Variants in ASPM observed in about 807,000 individuals in gnomAD.
The protein encoded by ASPM is assembly factor for spindle microtubules, also known as abnormal spindle-like microcephaly-associated protein.
In ASPM, 256 loss-of-function variants were observed where a neutral mutation model predicts 366.4. The ratio of observed to expected loss-of-function variants is 0.70; its 90% CI spans 0.63 to 0.77. The LOEUF (loss-of-function observed/expected upper bound fraction) is 0.77, where lower values mean the gene tolerates loss of function less well. ASPM is among the 30% of genes least tolerant of loss of function. ASPM has a pLI of 0.00. For synonymous variants in ASPM, 1,414 were observed against 1,342.9 expected, an observed-to-expected ratio of 1.05 and a Z score of -1.16; for missense variants, 4,146 against 4,090.4, an observed-to-expected ratio of 1.01 and a Z score of -0.37.
In ASPM at chr1:197,142,659, T is replaced by C; in HGVS notation, c.1593A>G (p.Val531=). ...LNSAVGEHEK[V]INNQKEKEDF... The stretch of plus-strand genomic sequence containing the variant: ...CTTCTTTTTCCTTTTGATTATTTAT[T>C]ACTTTTTCATGTTCACCCACTGCAC... Residue 531 remains valine, a synonymous_variant, in exon 3 of 28, where the codon GTA becomes GTG. Coordinates refer to ENST00000367409, the MANE Select transcript of ASPM (RefSeq NM_018136.5). The C allele has an allele frequency of 6.2e-7, 1 of 1,612,648 alleles. No individual in the cohort carries two copies.
intron 17 of ASPM, among the ~76,000 whole-genome samples, chr1:197,109,665 G>A (rs952370644): frequency 1.3e-5 from 2 of 151,930 alleles, no homozygotes; most frequent in African/African-American, 4.8e-5. Context: ...TGGAAAGAAA[G>A]GCAGACAACA....
chr1:197,095,993 A>G lies in ASPM; in HGVS notation c.8987+5T>C, dbSNP rs747636702. ...TACACTCTCCACAGAACTATGATAC[A>G]TTACCGTGTTCTCTCTAGTTTGGTA... On this transcript the variant is annotated splice_donor_5th_base_variant and intron_variant, in intron 19 of 27. Transcript: ENST00000367409. The G allele has an allele frequency of 3.7e-6, 6 of 1,602,820 alleles. No homozygotes were observed. The highest frequency in any genetic ancestry group is 1.1e-5 in the South Asian group (1 of 90,722).
In ASPM at chr1:197,133,656, T is replaced by C; in HGVS notation, c.2174-61A>G. The C allele has an allele frequency of 2.5e-6, 4 of 1,572,112 alleles. No homozygotes were observed. The African/African-American group carries it at 4.1e-5, about 16-fold the overall frequency. On this transcript the variant is annotated intron_variant, in intron 5 of 27. Coordinates refer to ENST00000367409, the MANE Select transcript of ASPM (RefSeq NM_018136.5). The stretch of plus-strand genomic sequence containing the variant: ...AACAATATCTCTACATATTCTTAAA[T>C]CCAGCAATAAAATGCAATTTCAGAC...
chr1:197,104,644 T>C lies in ASPM; in HGVS notation c.4607A>G (p.Gln1536Arg), dbSNP rs1192510386. ...TAATTGAATGGCTGCAGCTCGTTTC[T>C]GCAAATAGTTGGTGCGCTCAATCTT... The part of the protein sequence containing the change: ...KGKIERTNYL[Q>R]KRAAAIQLQA... The change falls in exon 18 of 28, where the codon CAG becomes CGG. Residue 1536 changes from glutamine (Q) to arginine (R), a missense_variant. Coordinates refer to ENST00000367409, the MANE Select transcript of ASPM (RefSeq NM_018136.5). The C allele has an allele frequency of 1.9e-6, 3 of 1,613,050 alleles. No homozygotes were observed. The highest frequency in any genetic ancestry group is 1.7e-6 in the Non-Finnish European group (2 of 1,179,488).
Position 197,084,437 on chromosome 1 carries a change from A to G in ASPM, c.10332-11T>C, listed in dbSNP as rs1240364494. The G allele has an allele frequency of 1.9e-6, 3 of 1,587,850 alleles. No individual in the cohort carries two copies. The highest frequency in any genetic ancestry group is 2.6e-6 in the Non-Finnish European group (3 of 1,160,074). On this transcript the variant is annotated splice_polypyrimidine_tract_variant and intron_variant, in intron 27 of 27. Transcript: ENST00000367409. The stretch of plus-strand genomic sequence containing the variant: ...CAATCTGGCTTAAGTCTGTTAAAAA[A>G]AAAAAAAAAGTCTGGCATTAATAAA...
chr1:197,088,109 G>C, intron 26 of ASPM, 147 bp downstream of exon 26: 1 of 767,586 alleles, frequency 1.3e-6, no homozygotes, highest in East Asian at 2.6e-5. Context: ...GATACATCCT[G>C]AATTCATTTT....
chr1:197,099,077 T>C (rs1657073440), intron 18 of ASPM, among the ~76,000 whole-genome samples: 1 of 151,690 alleles, frequency 6.6e-6, no homozygotes, highest in Non-Finnish European at 1.5e-5. Context: ...GTTCATGCTC[T>C]ATATAATGCC....
chr1:197,108,722 G>A (rs1280159996), intron 17 of ASPM, among the ~76,000 whole-genome samples: 2 of 151,910 alleles, frequency 1.3e-5, no homozygotes, highest in African/African-American at 4.8e-5. Context: ...TGTATTCCTA[G>A]CACTTTAGGA....
At position 197,101,261 on chromosome 1, in the gene ASPM, C is replaced by T. The variant is rs1247705407; in HGVS notation, c.7990G>A (p.Val2664Met). The change falls in exon 18 of 28, where the codon GTG becomes ATG. Residue 2664 changes from valine to methionine, a missense_variant. Val to Met is a conservative substitution (Grantham distance 21). This residue lies in a region of ASPM where 3,624 missense variants were observed against 3,591.7 expected (regional missense o/e 1.01). Transcript: ENST00000367409. ...IQRRYRKLTA[V>M]RTQAVICIQS... is the part of the protein sequence containing the mutation. The stretch of plus-strand genomic sequence containing the variant: ...ATACAAATAACTGCTTGGGTACGCA[C>T]TGCAGTTAGTTTTCTGTATCTTCTT... 1 of 1,611,830 alleles carries T rather than the reference C, an allele frequency of 6.2e-7. No individual in the cohort carries two copies. The highest frequency in any genetic ancestry group is 1.3e-5 in the African/African-American group (1 of 74,788).
chr1:197,101,166 A>C lies in ASPM; in HGVS notation c.8085T>G (p.Ile2695Met). Residue 2695 changes from isoleucine (I) to methionine (M), a missense_variant, in exon 18 of 28, where the codon ATT becomes ATG. Ile to Met is a conservative substitution (Grantham distance 10). This residue lies in a region of ASPM where 3,624 missense variants were observed against 3,591.7 expected (regional missense o/e 1.01). Coordinates refer to ENST00000367409, the MANE Select transcript of ASPM (RefSeq NM_018136.5). Reference sequence around the variant, plus strand: ...CCCTGTGCATTCGATAGAATGACTGAATTAGTGTGGCAGCCCGGTGCATAT... The same window carrying C: ...CCCTGTGCATTCGATAGAATGACTGCATTAGTGTGGCAGCCCGGTGCATAT... ...IQNMHRAATLIQSFYRMHRAK... is the reference protein window; with the variant it reads ...IQNMHRAATLMQSFYRMHRAK... 4 of 1,612,416 alleles carry C rather than the reference A, an allele frequency of 2.5e-6. No individual in the cohort carries two copies. Among genetic ancestry groups the C allele is most frequent in the Non-Finnish European group, 3.4e-6 (4 of 1,179,094 alleles).
Position 197,105,037 on chromosome 1 carries a change from C to G in ASPM, c.4214G>C (p.Arg1405Pro), listed in dbSNP as rs143092798. ...ATCTTGTTTTCTTCTTAAATAAGCA[C>G]GCCAATGCCTCTGAATTGTAACTGT... Reference protein sequence around the residue: ...WATVTIQRHWRAYLRRKQDQQ... With the variant: ...WATVTIQRHWPAYLRRKQDQQ... The change falls in exon 18 of 28, where the codon CGT (arginine) becomes CCT (proline). Residue 1405 changes from arginine to proline, a missense_variant. This residue lies in a region of ASPM where 3,624 missense variants were observed against 3,591.7 expected (regional missense o/e 1.01). Transcript: ENST00000367409. The G allele has an allele frequency of 3.1e-6, 5 of 1,610,242 alleles. No individual in the cohort carries two copies. The African/African-American group carries it at 5.4e-5, about 17-fold the overall frequency.
chr1:197,118,698 CCAT>C (rs760896931), intron 16 of ASPM, among the ~76,000 whole-genome samples: 38 of 152,234 alleles, frequency 2.5e-4, no homozygotes, highest in African/African-American at 6.7e-4. Context: ...ACAACCACCA[CCAT>C]AAGAACAAAT....
chr1:197,109,024 A>G (rs1308088321), intron 17 of ASPM, among the ~76,000 whole-genome samples: 7 of 151,352 alleles, frequency 4.6e-5, no homozygotes, highest in African/African-American at 1.7e-4. Flanking sequence ...GATGATGAAT[A>G]TGCTAATTGT....
chr1:197,101,297 C>A lies in ASPM; in HGVS notation c.7954G>T (p.Val2652Phe). The change falls in exon 18 of 28, where the codon GTT becomes TTT. Residue 2652 changes from valine to phenylalanine, a missense_variant. Coordinates refer to ENST00000367409, the MANE Select transcript of ASPM (RefSeq NM_018136.5). Reference sequence around the variant, plus strand: ...TTTCTGTATCTTCTTTGAATAGAAACTACTGTTGCTCTAAGGTGGAGATAA... The same window carrying A: ...TTTCTGTATCTTCTTTGAATAGAAAATACTGTTGCTCTAAGGTGGAGATAA... ...KHYLHLRATV[V>F]SIQRRYRKLT... 2 of 1,611,900 alleles carry A rather than the reference C, an allele frequency of 1.2e-6. No homozygotes were observed. Among genetic ancestry groups the A allele is most frequent in the East Asian group, 2.2e-5 (1 of 44,730 alleles).
At chr1:197,110,521 C>T (rs1657549605) in intron 17 of ASPM, among the ~76,000 whole-genome samples, 2 of 151,944 alleles carry the variant, frequency 1.3e-5, no homozygotes, top group Non-Finnish European at 2.9e-5. Flanking sequence ...AAAGTGATAA[C>T]TGGATTCCAA....
intron 22 of ASPM, 136 bp from the exon 23 acceptor site, chr1:197,091,177 T>G (rs1007295845): frequency 1.2e-6 from 1 of 814,034 alleles, no homozygotes; most frequent in African/African-American, 1.7e-5. Flanking sequence ...ACAGAGGCAT[T>G]ACTTCCCCAC....
Position 197,102,360 on chromosome 1 carries a change from C to T in ASPM, c.6891G>A (p.Arg2297=), listed in dbSNP as rs776527804. The T allele has an allele frequency of 6.2e-7, 1 of 1,612,728 alleles. No homozygotes were observed. Reference sequence around the variant, plus strand: ...AGTGATGCTTTGTACAAAGATGTGCCCGATATTTTCTCTGAATCAAAATAG... The same window carrying T: ...AGTGATGCTTTGTACAAAGATGTGCTCGATATTTTCTCTGAATCAAAATAG... The part of the protein sequence containing the change: ...KTAILIQRKY[R]AHLCTKHHLQ... The change falls in exon 18 of 28, where the codon CGG becomes CGA. Residue 2297 remains arginine (R), a synonymous_variant. Transcript: ENST00000367409.
At position 197,103,140 on chromosome 1, in the gene ASPM, TCTCA is replaced by T. The variant is rs1349186205; in HGVS notation, c.6107_6110del (p.Val2036GlufsTer4). The T allele has an allele frequency of 6.2e-7, 1 of 1,612,760 alleles. No homozygotes were observed. The highest frequency in any genetic ancestry group is 8.5e-7 in the Non-Finnish European group (1 of 1,179,366). ...CTTTGTTGCAATCCTTTATTCTTTT[TCTCA>T]CTTTCATACCACGATAAGCTGACTG... On this transcript the variant is annotated frameshift_variant, in exon 18 of 28. Transcript: ENST00000367409. LOFTEE classifies it high-confidence loss of function.
rs1203869436 is a variant in ASPM, at chr1:197,102,709, C to T, written c.6542G>A (p.Arg2181Lys). ...CATCTTTCTAAGAGTCCGTCTAACTCTTACTCCTCTAAAACTTGCCTGAAG... is the reference window on the plus strand; with the variant it reads ...CATCTTTCTAAGAGTCCGTCTAACTTTTACTCCTCTAAAACTTGCCTGAAG... ...KVLQASFRGV[R>K]VRRTLRKMQT... The change falls in exon 18 of 28, where the codon AGA becomes AAA. Residue 2181 changes from arginine (R) to lysine (K), a missense_variant. Transcript: ENST00000367409. 1 of 1,612,712 alleles carries T rather than the reference C, an allele frequency of 6.2e-7. No homozygotes were observed. Among genetic ancestry groups the T allele is most frequent in the Admixed American group, 1.7e-5 (1 of 59,784 alleles).
Sources: gnomAD v4.1 joint callset for allele counts (sites outside exome capture counted in the v4.1 genomes callset) on GRCh38, gnomAD v4.1.1 for gene constraint, gnomAD v4.1.1 regional missense constraint, MANE v1.5 for transcripts, NCBI Gene and HGNC (gene_info 2026-07-23, HGNC 2026-07-21) for gene names.